The following BMP1 variants were observed in gnomAD, a reference collection of about 807,000 sequenced individuals.
BMP1 encodes the protein bone morphogenetic protein 1.
In BMP1, 63 loss-of-function variants were observed where a neutral mutation model predicts 116.8. That is an observed-to-expected ratio of 0.54 (90% confidence interval 0.44 to 0.67). The LOEUF (loss-of-function observed/expected upper bound fraction) is 0.67, where lower values mean the gene tolerates loss of function less well. Ranked by LOEUF, BMP1 falls within the 30% of genes least tolerant of loss-of-function variation. BMP1 has a pLI of 0.00. For missense variants in BMP1, 1,183 were observed against 1,358.9 expected, an observed-to-expected ratio of 0.87 and a Z score of 2.04; for synonymous variants, 536 against 533.4, an observed-to-expected ratio of 1.00 and a Z score of -0.07.
At chr8:22,200,703 GTGTC>G (rs548796495) in intron 15 of BMP1, among the ~76,000 whole-genome samples, 47 of 152,250 alleles carry the variant, frequency 3.1e-4, no homozygotes, top group South Asian at 1.9e-3. Context: ...GCGAGTGCGT[GTGTC>G]TGTCTAACAC....
intron 18 of BMP1, among the ~76,000 whole-genome samples, chr8:22,208,064 A>T (rs989624482): frequency 1.3e-5 from 2 of 149,854 alleles, no homozygotes; most frequent in Non-Finnish European, 2.9e-5. Flanking sequence ...TTGTATTTTT[A>T]GTAGAGACAG....
chr8:22,177,792 T>G (rs1009002495), intron 5 of BMP1, 60 bp from the exon 6 acceptor site: 4 of 1,263,296 alleles, frequency 3.2e-6, no homozygotes, highest in African/African-American at 1.5e-5. Flanking sequence ...AAGTGAGCGT[T>G]GCATCCCAGG....
At chr8:22,165,713 T>G (rs2131831322) in intron 1 of BMP1, among the ~76,000 whole-genome samples, 160 bp downstream of exon 1, 2 of 145,604 alleles carry the variant, frequency 1.4e-5, no homozygotes. Context: ...GAGGGGGATT[T>G]GGGGGACTTT....
intron 8 of BMP1, among the ~76,000 whole-genome samples, chr8:22,181,514 T>C (rs1354142700): frequency 6.6e-6 from 1 of 151,992 alleles, no homozygotes; most frequent in African/African-American, 2.4e-5. Flanking sequence ...AGAGGCTCAC[T>C]ACTTTTCAGA....
At chr8:22,189,404 T>C (rs536840421) in intron 8 of BMP1, among the ~76,000 whole-genome samples, 1 of 148,342 alleles carries the variant, frequency 6.7e-6, no homozygotes, top group Admixed American at 6.9e-5. Context: ...AATTATTCAG[T>C]TGCCCCCTGA....
Position 22,177,814 on chromosome 8 carries a change from C to G in BMP1, c.731-38C>G, listed in dbSNP as rs372755884. On this transcript the variant is annotated intron_variant, in intron 5 of 19. Transcript: ENST00000306385. Reference sequence around the variant, plus strand: ...CGTTGCATCCCAGGCAGACCCACCCCCTCCTCTCCCCCCACACCCTTTTCC... The same window carrying G: ...CGTTGCATCCCAGGCAGACCCACCCGCTCCTCTCCCCCCACACCCTTTTCC... 1.4e-4 allele frequency: 205 copies of G among 1,490,058 alleles called. No individual in the cohort carries two copies. The African/African-American group carries it at 1.6e-3, about 12-fold the overall frequency. The allele number at this position is 1,490,058 out of a possible 1,614,324, so 92.3% of individuals were successfully genotyped here.
At position 22,197,360 on chromosome 8, in the gene BMP1, G is replaced by C. The variant is rs781187309; in HGVS notation, c.2047G>C (p.Val683Leu). The stretch of plus-strand genomic sequence containing the variant: ...CACCTCCCAGTACAACAACATGCGC[G>C]TGGAGTTCAAGTCCGACAACACCGT... ...VITSQYNNMR[V>L]EFKSDNTVSK... Residue 683 changes from valine to leucine, a missense_variant, in exon 15 of 20, where the codon GTG (valine) becomes CTG (leucine). Around this residue, in one of 4 missense-constraint regions of BMP1, gnomAD observed 956 missense variants for 1,135.2 expected, o/e 0.84. Coordinates refer to ENST00000306385, the MANE Select transcript of BMP1 (RefSeq NM_006129.5). The C allele has an allele frequency of 6.2e-7, 1 of 1,613,948 alleles. No individual in the cohort carries two copies. The highest frequency in any genetic ancestry group is 8.5e-7 in the Non-Finnish European group (1 of 1,179,842).
At chr8:22,174,369 AG>A (rs1475074831) in intron 2 of BMP1, among the ~76,000 whole-genome samples, 1 of 152,122 alleles carries the variant, frequency 6.6e-6, no homozygotes, top group Non-Finnish European at 1.5e-5. Flanking sequence ...TAGCTCTTTA[AG>A]GTCAGGGATG....
At chr8:22,191,938 C>T (rs1006229353) in intron 8 of BMP1, 111 bp from the exon 9 acceptor site, 17 of 934,148 alleles carry the variant, frequency 1.8e-5, no homozygotes, top group East Asian at 1.0e-4. Flanking sequence ...CCTTAACTCT[C>T]GCCCAGGGGG....
chr8:22,193,973 AG>A, intron 9 of BMP1, 84 bp from the exon 10 acceptor site: 3 of 1,111,622 alleles, frequency 2.7e-6, no homozygotes, highest in Non-Finnish European at 4.1e-6. Context: ...TCAGGGCCCA[AG>A]CACCCAAGCC....
rs990952406 is a variant in BMP1 at position 22,165,874 on chromosome 8, TG to T, written c.148+322del. On this transcript the variant is annotated intron_variant, in intron 1 of 19. Transcript: ENST00000306385. Reference sequence around the variant, plus strand: ...TAGGAAACTTTTCTGGCCAAACTCCTGTGCGTGCGTGTGTGTGTGTGTGTGT... The same window carrying T: ...TAGGAAACTTTTCTGGCCAAACTCCTTGCGTGCGTGTGTGTGTGTGTGTGT... Among the ~76,000 whole-genome samples the T allele has an allele frequency of 2.1e-5, 3 of 139,972 alleles. No homozygotes were observed. In the Admixed American group the frequency reaches 2.2e-4, roughly 10 times the overall value. 91.8% of individuals were successfully genotyped at this position (139,972 alleles called of 152,430 possible).
intron 16 of BMP1, among the ~76,000 whole-genome samples, chr8:22,206,048 G>A (rs1829347231): frequency 6.6e-6 from 1 of 152,202 alleles, no homozygotes; most frequent in South Asian, 2.1e-4. Flanking sequence ...GGCTGCTGGA[G>A]ATCAGTGGAT....
chr8:22,171,497 A>G (rs1429425073), intron 1 of BMP1: 1 of 152,198 alleles, frequency 6.6e-6, no homozygotes, highest in Non-Finnish European at 1.5e-5. Context: ...ATGGGTCCAG[A>G]GCTTGCAGCT....
intron 18 of BMP1, 120 bp downstream of exon 18, chr8:22,207,636 G>A: frequency 3.5e-6 from 4 of 1,154,914 alleles, no homozygotes; most frequent in Non-Finnish European, 4.9e-6. Context: ...CCAGGGCCAG[G>A]GTTGTGGGTG....
chr8:22,208,127 G>C (rs141829735), intron 18 of BMP1, among the ~76,000 whole-genome samples: 1 of 152,064 alleles, frequency 6.6e-6, no homozygotes, highest in East Asian at 1.9e-4. Context: ...CAGGTGATCC[G>C]CCCGCCTTGG....
chr8:22,197,553 C>T (rs1829130085), intron 15 of BMP1, 133 bp downstream of exon 15: 3 of 954,446 alleles, frequency 3.1e-6, no homozygotes, highest in Admixed American at 2.4e-5. Flanking sequence ...CCCTGCTCCC[C>T]ACCACTTCAC....
chr8:22,204,259 G>C (rs1829312668), intron 16 of BMP1, among the ~76,000 whole-genome samples: 1 of 152,178 alleles, frequency 6.6e-6, no homozygotes, highest in Non-Finnish European at 1.5e-5. Flanking sequence ...AGTGTGGGTA[G>C]ACGGGAGCTT....
chr8:22,210,252 C>T (rs77755174), intron 19 of BMP1, among the ~76,000 whole-genome samples: 7,065 of 152,236 alleles, frequency 0.046, 556 homozygotes, highest in African/African-American at 0.16. Context: ...TAAAATGGCA[C>T]GTTAAGAGTC....
At chr8:22,165,670 T>C (rs1828073845) in intron 1 of BMP1, 117 bp downstream of exon 1, 1 of 1,103,638 alleles carries the variant, frequency 9.1e-7, no homozygotes, top group Non-Finnish European at 1.2e-6. Flanking sequence ...TGGTTGGCAA[T>C]GCAGTGGGGA....
Sources: gnomAD v4.1 joint callset for allele counts (sites outside exome capture counted in the v4.1 genomes callset) on GRCh38, gnomAD v4.1.1 for gene constraint, gnomAD v4.1.1 regional missense constraint, MANE v1.5 for transcripts, NCBI Gene and HGNC (gene_info 2026-07-23, HGNC 2026-07-21) for gene names.